The following FHIT variants were observed in gnomAD, a reference collection of about 807,000 sequenced individuals.
FHIT encodes bis(5'-adenosyl)-triphosphatase.
In FHIT, 19 loss-of-function variants were observed where a neutral mutation model predicts 17.9. The observed-to-expected ratio is 1.06, with a 90% confidence interval of 0.74 to 1.56. The LOEUF is 1.56. Ranked by LOEUF, FHIT falls within the 40% of genes most tolerant of loss-of-function variation. The probability of loss-of-function intolerance (pLI) is 0.00; values close to 1 mark genes in which losing one functional copy is unlikely to be tolerated. For missense variants in FHIT, 248 were observed against 189.2 expected (o/e 1.31, Z -1.82); for synonymous variants, 81 against 69.7 (o/e 1.16, Z -0.81).
chr3:61,167,577 TGA>T (rs1560035601), intron 2 of FHIT, among the ~76,000 whole-genome samples: 1 of 138,216 alleles, frequency 7.2e-6, no homozygotes, highest in African/African-American at 2.7e-5. Context: ...TGCAGTGAGC[TGA>T]GACTGCACCA....
intron 5 of FHIT, among the ~76,000 whole-genome samples, chr3:60,489,256 T>C (rs189927026): frequency 6.6e-6 from 1 of 152,270 alleles, no homozygotes; most frequent in Admixed American, 6.5e-5. Context: ...CCAGCTCAAG[T>C]TGCAATTCAC....
intron 8 of FHIT, among the ~76,000 whole-genome samples, chr3:59,797,456 G>A (rs1472751390): frequency 1.3e-5 from 2 of 152,010 alleles, no homozygotes; most frequent in Non-Finnish European, 2.9e-5. Flanking sequence ...CAAAATGTTG[G>A]GATTACAGGT....
intron 5 of FHIT, among the ~76,000 whole-genome samples, chr3:60,123,995 TATATATATATATATAGAGAGAGAGAGAG>T (rs1559653540): frequency 4.7e-3 from 174 of 36,644 alleles, no homozygotes; most frequent in South Asian, 0.014. Flanking sequence ...TATATATATA[TATATATATATATATAGAGAGAGAGAGAG>T]AGAGAGAGAG....
rs5849313 is a variant in FHIT at position 59,954,221 on chromosome 3, G to GTTTTTTTT, written c.280-31815_280-31808dup. The stretch of plus-strand genomic sequence containing the variant: ...CATTTTTCAGAAGTTATTTTGTTCT[G>GTTTTTTTT]TTTTTTTTTCTTTTTTTTCCAAATG... On this transcript the variant is annotated intron_variant, in intron 7 of 9. Coordinates refer to ENST00000492590, the MANE Select transcript of FHIT (RefSeq NM_002012.4). 7.4e-5 allele frequency among the ~76,000 whole-genome samples: 9 copies of GTTTTTTTT among 120,966 alleles called. 1 individual carries two copies. The highest frequency in any genetic ancestry group is 9.4e-5 in the African/African-American group (3 of 31,992). 79.4% of individuals were successfully genotyped at this position (120,966 alleles called of 152,430 possible).
At chr3:60,531,426 C>T (rs1318023318) in intron 5 of FHIT, among the ~76,000 whole-genome samples, 5 of 151,724 alleles carry the variant, frequency 3.3e-5, no homozygotes, top group African/African-American at 1.2e-4. Context: ...CTACAGGCGC[C>T]CGCTACCACG....
At chr3:59,848,015 C>T (rs1405751974) in intron 8 of FHIT, among the ~76,000 whole-genome samples, 3 of 152,168 alleles carry the variant, frequency 2.0e-5, no homozygotes, top group Non-Finnish European at 4.4e-5. Flanking sequence ...GAAGGTACAA[C>T]AATAATGGCT....
intron 3 of FHIT, among the ~76,000 whole-genome samples, chr3:61,014,779 CAAAAAAA>C (rs869289360): frequency 5.2e-4 from 34 of 65,802 alleles, no homozygotes; most frequent in African/African-American, 1.6e-3. Flanking sequence ...GACTCTGCCT[CAAAAAAA>C]AAAAAAAAAA....
chr3:60,358,115 T>C (rs1406148217), intron 5 of FHIT, among the ~76,000 whole-genome samples: 1 of 152,188 alleles, frequency 6.6e-6, no homozygotes, highest in East Asian at 1.9e-4. Context: ...AAGAAGGCAA[T>C]GCACCTTATC....
At chr3:60,637,672 C>T (rs1046571731) in intron 4 of FHIT, among the ~76,000 whole-genome samples, 9 of 152,080 alleles carry the variant, frequency 5.9e-5, no homozygotes, top group African/African-American at 2.2e-4. Context: ...GATGTGAACA[C>T]TGAAGTGCAG....
intron 5 of FHIT, among the ~76,000 whole-genome samples, chr3:60,501,334 A>C (rs1158813024): frequency 6.6e-6 from 1 of 152,192 alleles, no homozygotes; most frequent in Admixed American, 6.5e-5. Context: ...ACAAAATTTA[A>C]ACAGTAATTT....
chr3:60,507,884 T>A (rs1313301229), intron 5 of FHIT, among the ~76,000 whole-genome samples: 1 of 152,236 alleles, frequency 6.6e-6, no homozygotes, highest in African/African-American at 2.4e-5. Flanking sequence ...TAGTATTCCA[T>A]GGTGTATATG....
intron 5 of FHIT, among the ~76,000 whole-genome samples, chr3:60,046,638 T>C (rs1273899470): frequency 1.3e-5 from 2 of 152,082 alleles, no homozygotes; most frequent in African/African-American, 4.8e-5. Flanking sequence ...AACAATCCCA[T>C]ATGGAGAAAC....
chr3:61,141,952 T>A lies in FHIT; in HGVS notation c.-164+58665A>T, dbSNP rs148720929. Among the ~76,000 whole-genome samples, 94 of 151,558 alleles carry A rather than the reference T, an allele frequency of 6.2e-4. 1 individual carries two copies. The highest frequency in any genetic ancestry group is 2.2e-3 in the African/African-American group (91 of 41,492). ...GTTCTCATTTACTACTCAAGTTTCA[T>A]GCAGATCATCTCATTCACACAAGCC... is the stretch of plus-strand genomic sequence containing the variant. On this transcript the variant is annotated intron_variant, in intron 2 of 9. Coordinates refer to ENST00000492590, the MANE Select transcript of FHIT (RefSeq NM_002012.4).
At chr3:60,102,921 A>G (rs1329828414) in intron 5 of FHIT, among the ~76,000 whole-genome samples, 1 of 152,236 alleles carries the variant, frequency 6.6e-6, no homozygotes, top group African/African-American at 2.4e-5. Context: ...CATACATGCC[A>G]TGCATTTGCG....
At chr3:60,759,829 G>A (rs1390116934) in intron 4 of FHIT, among the ~76,000 whole-genome samples, 1 of 152,172 alleles carries the variant, frequency 6.6e-6, no homozygotes, top group Non-Finnish European at 1.5e-5. Context: ...AACATGTGCA[G>A]GCAACTCCTC....
At chr3:59,847,328 T>C (rs981600303) in intron 8 of FHIT, among the ~76,000 whole-genome samples, 1 of 152,132 alleles carries the variant, frequency 6.6e-6, no homozygotes, top group African/African-American at 2.4e-5. Context: ...TATCTTTAAA[T>C]TCATTAATTC....
chr3:60,057,725 C>A (rs1429138333), intron 5 of FHIT, among the ~76,000 whole-genome samples: 1 of 151,458 alleles, frequency 6.6e-6, no homozygotes, highest in African/African-American at 2.4e-5. Flanking sequence ...CAAACTGAAA[C>A]TCACCAGATC....
At chr3:59,855,804 G>A (rs1168986789) in intron 8 of FHIT, among the ~76,000 whole-genome samples, 3 of 144,274 alleles carry the variant, frequency 2.1e-5, no homozygotes, top group Non-Finnish European at 3.0e-5. Context: ...TTTTTGAGAC[G>A]GAGTCTTGCC....
intron 5 of FHIT, among the ~76,000 whole-genome samples, chr3:60,354,515 A>G (rs1276534801): frequency 1.3e-5 from 2 of 152,184 alleles, no homozygotes; most frequent in Non-Finnish European, 2.9e-5. Context: ...AGTAGTTATC[A>G]GAACAAGAAT....
Sources: gnomAD v4.1 joint callset for allele counts (sites outside exome capture counted in the v4.1 genomes callset) on GRCh38, gnomAD v4.1.1 for gene constraint, MANE v1.5 for transcripts, NCBI Gene and HGNC (gene_info 2026-07-23, HGNC 2026-07-21) for gene names.